MRC2: variants seen among roughly 807,000 people sequenced by gnomAD.
MRC2 encodes the protein C-type mannose receptor 2.
MRC2 carries 84 observed loss-of-function variants against 206.2 expected under a neutral mutation model. The observed-to-expected ratio is 0.41, with a 90% CI of 0.34 to 0.49. The LOEUF (loss-of-function observed/expected upper bound fraction) is 0.49, where lower values mean the gene tolerates loss of function less well. Ranked by LOEUF, MRC2 falls within the 20% of genes least tolerant of loss-of-function variation. The probability of loss-of-function intolerance (pLI) is 0.31; values close to 1 mark genes in which losing one functional copy is unlikely to be tolerated. For missense variants in MRC2, 1,676 were observed against 2,001.5 expected, an observed-to-expected ratio of 0.84 and a Z score of 3.10; for synonymous variants, 798 against 800.0, an observed-to-expected ratio of 1.00 and a Z score of 0.04.
In MRC2 at chr17:62,666,648, C is replaced by A. The variant is rs746440094; in HGVS notation, c.859+29C>A. On this transcript the variant is annotated intron_variant, in intron 4 of 29. Transcript: ENST00000303375. This position sits in a 1 kb window ranked among gnomAD's most constrained non-coding sequence, Gnocchi z 5.0. ...AGCCGGGGCCTGATGCCTGCTCGTG[C>A]CTCTGGAGGGCCCGGGCCCTTTCCG... The A allele has an allele frequency of 2.3e-5, 35 of 1,548,742 alleles. No homozygotes were observed. The highest frequency in any genetic ancestry group is 2.9e-5 in the Non-Finnish European group (33 of 1,146,288).
At position 62,675,793 on chromosome 17, in the gene MRC2, T is replaced by G. The variant is rs749035147; in HGVS notation, c.1573T>G (p.Trp525Gly). ...CTTCTGTCCACTCTTGAGCCAGGGT[T>G]GGACGTGGCACAGCCCATCCTGCTA... ...AEEDHGCRKGWTWHSPSCYWL... is the reference protein window; with the variant it reads ...AEEDHGCRKGGTWHSPSCYWL... Residue 525 changes from tryptophan (W) to glycine (G), a missense_variant, in exon 10 of 30, where the codon TGG becomes GGG. Physicochemically the swap from Trp to Gly is radical, Grantham distance 184. This residue lies in a region of MRC2 where 1,354 missense variants were observed against 1,636.6 expected (regional missense o/e 0.83). Coordinates refer to ENST00000303375, the MANE Select transcript of MRC2 (RefSeq NM_006039.5). This position sits in a 1 kb window ranked among gnomAD's most constrained non-coding sequence, Gnocchi z 4.1. The G allele has an allele frequency of 1.2e-6, 2 of 1,613,836 alleles. No individual in the cohort carries two copies. The highest frequency in any genetic ancestry group is 2.2e-5 in the South Asian group (2 of 91,076).
rs571793821 is a variant in MRC2, at chr17:62,633,840, CAAAAAAAAAAAAAAAAAAAA to C, written c.118+5943_118+5962del. Among the ~76,000 whole-genome samples the C allele has an allele frequency of 1.6e-3, 54 of 33,890 alleles. 1 individual carries two copies. Among genetic ancestry groups the C allele is most frequent in the Middle Eastern group, 0.031 (1 of 32 alleles). 22.2% of individuals were successfully genotyped at this position (33,890 alleles called of 152,430 possible). The stretch of plus-strand genomic sequence containing the variant: ...TGAGTGACAGAGTGAGACCCTGTCT[CAAAAAAAAAAAAAAAAAAAA>C]AAAAAAAAAAAAAAAAAAAAAATCC... On this transcript the variant is annotated intron_variant, in intron 1 of 29. Coordinates refer to ENST00000303375, the MANE Select transcript of MRC2 (RefSeq NM_006039.5).
chr17:62,634,589 A>G (rs1400509539), intron 1 of MRC2, among the ~76,000 whole-genome samples: 2 of 152,126 alleles, frequency 1.3e-5, no homozygotes, highest in African/African-American at 4.8e-5. Context: ...GTGAGCCACC[A>G]CGCCTAGCCC....
In MRC2 at chr17:62,675,284, C is replaced by T. The variant is rs2088876986; in HGVS notation, c.1570-506C>T. The stretch of plus-strand genomic sequence containing the variant: ...CACATCTGCTTCTCTTCTGCCTTGG[C>T]TCCTGCCAGCCTCGCCTGCCAGGGT... On this transcript the variant is annotated intron_variant, in intron 9 of 29. Coordinates refer to ENST00000303375, the MANE Select transcript of MRC2 (RefSeq NM_006039.5). This position sits in a 1 kb window ranked among gnomAD's most constrained non-coding sequence, Gnocchi z 4.1. 6.6e-6 allele frequency among the ~76,000 whole-genome samples: 1 copy of T among 152,128 alleles called. No individual in the cohort carries two copies. Among genetic ancestry groups the T allele is most frequent in the African/African-American group, 2.4e-5 (1 of 41,426 alleles).
intron 1 of MRC2, among the ~76,000 whole-genome samples, chr17:62,651,086 CTTTT>C (rs764258977): frequency 1.4e-5 from 2 of 142,382 alleles, no homozygotes; most frequent in African/African-American, 2.6e-5. Context: ...TGACAAACAT[CTTTT>C]TTTTTTTTTT....
At position 62,681,056 on chromosome 17, in the gene MRC2, C is replaced by T. The variant is rs2088960345; in HGVS notation, c.2635-6C>T. 2 of 1,613,280 alleles carry T rather than the reference C, an allele frequency of 1.2e-6. No individual in the cohort carries two copies. The highest frequency in any genetic ancestry group is 2.7e-5 in the African/African-American group (2 of 74,950). On this transcript the variant is annotated splice_polypyrimidine_tract_variant and splice_region_variant and intron_variant, in intron 17 of 29. Coordinates refer to ENST00000303375, the MANE Select transcript of MRC2 (RefSeq NM_006039.5). ...CTACCCACACCTGCCCGCCTGGCTT[C>T]TCCAGTTCTCCCGGGCCCAGGAGCA...
intron 1 of MRC2, among the ~76,000 whole-genome samples, chr17:62,634,857 G>A (rs2088292640): frequency 6.7e-6 from 1 of 148,390 alleles, no homozygotes; most frequent in Admixed American, 6.7e-5. Context: ...TTAGGACGGA[G>A]TCTCCCTCTG....
chr17:62,690,921 T>A, intron 27 of MRC2, 28 bp from the exon 28 acceptor site: 1 of 1,555,970 alleles, frequency 6.4e-7, no homozygotes, highest in East Asian at 2.3e-5. Flanking sequence ...ACCTTGTCCC[T>A]GCTCCCTCAG....
intron 22 of MRC2, 69 bp from the exon 23 acceptor site, chr17:62,688,783 C>T: frequency 6.3e-7 from 1 of 1,583,826 alleles, no homozygotes; most frequent in Non-Finnish European, 8.6e-7. Context: ...GCTCACATTG[C>T]AGCCTTCTGG....
intron 27 of MRC2, 31 bp from the exon 28 acceptor site, chr17:62,690,918 C>T (rs2089102272): frequency 6.5e-7 from 1 of 1,549,376 alleles, no homozygotes. Flanking sequence ...CCCACCTTGT[C>T]CCTGCTCCCT....
Position 62,681,561 on chromosome 17 carries a change from T to A in MRC2, c.2703-276T>A, listed in dbSNP as rs2088966745. 5 of 473,190 alleles carry A rather than the reference T, an allele frequency of 1.1e-5. No homozygotes were observed. The South Asian group carries it at 1.3e-4, about 12-fold the overall frequency. The allele number at this position is 473,190 out of a possible 1,614,324, so 29.3% of individuals were successfully genotyped here. ...AGCACCTGGGACTCAGAATTTGAGCTTGTCTTTTTGCCCTTGGGCTTCCTG... is the reference window on the plus strand; with the variant it reads ...AGCACCTGGGACTCAGAATTTGAGCATGTCTTTTTGCCCTTGGGCTTCCTG... On this transcript the variant is annotated intron_variant, in intron 18 of 29. Coordinates refer to ENST00000303375, the MANE Select transcript of MRC2 (RefSeq NM_006039.5).
chr17:62,636,259 A>G (rs2088316948), intron 1 of MRC2, among the ~76,000 whole-genome samples: 1 of 151,690 alleles, frequency 6.6e-6, no homozygotes, highest in Non-Finnish European at 1.5e-5. Context: ...GCAAAAAAAA[A>G]AAAAAGTAAA....
chr17:62,633,956 T>C (rs2088279490), intron 1 of MRC2, among the ~76,000 whole-genome samples: 1 of 149,996 alleles, frequency 6.7e-6, no homozygotes, highest in African/African-American at 2.5e-5. Flanking sequence ...AAGAAAGAAT[T>C]TGAGGCGAAT....
intron 9 of MRC2, among the ~76,000 whole-genome samples, chr17:62,674,399 T>C (rs2088864265): frequency 6.6e-6 from 1 of 152,012 alleles, no homozygotes; most frequent in Admixed American, 6.5e-5. Context: ...AGCCCAGTCC[T>C]GAGTCCCTCC....
chr17:62,667,275 A>C lies in MRC2; in HGVS notation c.974-115A>C. Reference sequence around the variant, plus strand: ...CTGGAGCTGAGCACCAGGCTTCCCGAACTGGCTCAGGCTTCCGAGGGAGCA... The same window carrying C: ...CTGGAGCTGAGCACCAGGCTTCCCGCACTGGCTCAGGCTTCCGAGGGAGCA... On this transcript the variant is annotated intron_variant, in intron 5 of 29. Coordinates refer to ENST00000303375, the MANE Select transcript of MRC2 (RefSeq NM_006039.5). The surrounding 1 kb of genome is among the most constrained non-coding windows in gnomAD (Gnocchi z 4.1). The C allele has an allele frequency of 7.3e-7, 1 of 1,377,834 alleles. No homozygotes were observed. The highest frequency in any genetic ancestry group is 9.7e-7 in the Non-Finnish European group (1 of 1,032,940). 85.4% of individuals were successfully genotyped at this position (1,377,834 alleles called of 1,614,324 possible).
intron 1 of MRC2, among the ~76,000 whole-genome samples, chr17:62,640,137 C>G (rs1464153792): frequency 6.7e-6 from 1 of 148,666 alleles, no homozygotes; most frequent in Non-Finnish European, 1.5e-5. Context: ...TCCCAAAGTG[C>G]TGGGATTACA....
intron 8 of MRC2, among the ~76,000 whole-genome samples, chr17:62,673,180 A>G (rs1233980056): frequency 1.3e-5 from 2 of 152,176 alleles, no homozygotes; most frequent in African/African-American, 4.8e-5. Context: ...ACCATGTGCC[A>G]GTCATTTTTC....
chr17:62,642,801 G>A (rs1182853336), intron 1 of MRC2, among the ~76,000 whole-genome samples: 1 of 152,104 alleles, frequency 6.6e-6, no homozygotes, highest in Admixed American at 6.6e-5. Context: ...TCTTAAAAAA[G>A]CAAAGTTGTT....
chr17:62,627,942 C>G lies in MRC2; in HGVS notation c.118+22C>G, dbSNP rs777211385. ...CCGGGTAAGGCGCTGCCAACTTGGC[C>G]AACTTCAGGGCCCGGGCGGGGGGAG... On this transcript the variant is annotated intron_variant, in intron 1 of 29. Coordinates refer to ENST00000303375, the MANE Select transcript of MRC2 (RefSeq NM_006039.5). The G allele has an allele frequency of 3.6e-3, 5,057 of 1,398,540 alleles. 12 individuals are homozygous for G. Among genetic ancestry groups the G allele is most frequent in the Non-Finnish European group, 4.3e-3 (4,615 of 1,079,784 alleles). The allele number at this position is 1,398,540 out of a possible 1,614,324, so 86.6% of individuals were successfully genotyped here.
Sources: gnomAD v4.1 joint callset for allele counts (sites outside exome capture counted in the v4.1 genomes callset) on GRCh38, gnomAD v4.1.1 for gene constraint, gnomAD v4.1.1 regional missense constraint, Gnocchi (gnomAD v3.1) non-coding constraint, MANE v1.5 for transcripts, NCBI Gene and HGNC (gene_info 2026-07-23, HGNC 2026-07-21) for gene names.